Variants in TET2 observed in about 807,000 individuals in gnomAD.
TET2 encodes tet methylcytosine dioxygenase 2.
Under a neutral mutation model 142.9 loss-of-function variants are expected in TET2, and 299 were observed. The observed-to-expected ratio is 2.09, with a 90% CI of 1.90 to 2.30. The LOEUF is 2.30. Ranked by LOEUF, TET2 falls within the 30% of genes most tolerant of loss-of-function variation. TET2 has a pLI of 0.00. For synonymous variants in TET2, 819 were observed against 849.0 expected (o/e 0.96, Z 0.61); for missense variants, 2,418 against 2,378.0 (o/e 1.02, Z -0.35).
intron 8 of TET2, among the ~76,000 whole-genome samples, 192 bp from the exon 9 acceptor site, chr4:105,269,418 A>G (rs143126983): frequency 6.5e-4 from 99 of 152,340 alleles, no homozygotes; most frequent in African/African-American, 2.2e-3. Context: ...TATGGCCTCA[A>G]TAACACTATA....
intron 6 of TET2, among the ~76,000 whole-genome samples, chr4:105,254,069 T>G (rs1169691322): frequency 6.6e-6 from 1 of 152,194 alleles, no homozygotes; most frequent in African/African-American, 2.4e-5. Flanking sequence ...TCATGGTTGC[T>G]ATTAGTCTGT....
At chr4:105,208,090 C>T (rs2110534052) in intron 2 of TET2, among the ~76,000 whole-genome samples, 1 of 152,264 alleles carries the variant, frequency 6.6e-6, no homozygotes, top group Non-Finnish European at 1.5e-5. Flanking sequence ...TAAATTGCTA[C>T]TTGAGTTCAT....
At chr4:105,229,064 A>T (rs1728341936) in intron 2 of TET2, among the ~76,000 whole-genome samples, 1 of 152,240 alleles carries the variant, frequency 6.6e-6, no homozygotes, top group African/African-American at 2.4e-5. Context: ...CATTTAAAAT[A>T]GTTCAACATG....
At chr4:105,223,624 A>G (rs1727991844) in intron 2 of TET2, among the ~76,000 whole-genome samples, 1 of 152,316 alleles carries the variant, frequency 6.6e-6, no homozygotes, top group South Asian at 2.1e-4. Flanking sequence ...AGCATTGCAC[A>G]CATCTTGAAA....
chr4:105,147,095 G>A (rs1024394875), intron 1 of TET2, 116 bp downstream of exon 1: 1 of 152,190 alleles, frequency 6.6e-6, no homozygotes, highest in African/African-American at 2.4e-5. Context: ...ATACCAAGAG[G>A]GAAGAGGGAA....
At chr4:105,158,001 T>TA (rs1453086369) in intron 1 of TET2, among the ~76,000 whole-genome samples, 1 of 152,242 alleles carries the variant, frequency 6.6e-6, no homozygotes, top group Non-Finnish European at 1.5e-5. Context: ...ACAACTTACT[T>TA]ACTTTGAAAC....
At chr4:105,162,862 A>G (rs1241734368) in intron 1 of TET2, among the ~76,000 whole-genome samples, 1 of 152,232 alleles carries the variant, frequency 6.6e-6, no homozygotes, top group Non-Finnish European at 1.5e-5. Context: ...TATATCTGCA[A>G]TAATACGGGG....
At chr4:105,237,544 C>T in intron 3 of TET2, 193 bp downstream of exon 3, 2 of 1,546,600 alleles carry the variant, frequency 1.3e-6, no homozygotes, top group East Asian at 2.3e-5. Context: ...ACTTCACTTA[C>T]ATGCAGTTTT....
chr4:105,242,335 T>TTAGTCTATTTCTA, intron 4 of TET2: 8 of 1,077,924 alleles, frequency 7.4e-6, no homozygotes, highest in Non-Finnish European at 9.1e-6. Context: ...TAAGGGAAGA[T>TTAGTCTATTTCTA]ATAGTCTATT....
chr4:105,222,462 C>T (rs924617669), intron 2 of TET2, among the ~76,000 whole-genome samples: 3 of 152,180 alleles, frequency 2.0e-5, no homozygotes, highest in Non-Finnish European at 4.4e-5. Flanking sequence ...TCTCTGATGG[C>T]CAGTGATGGT....
chr4:105,162,502 C>G (rs1305049394), intron 1 of TET2, among the ~76,000 whole-genome samples: 1 of 152,184 alleles, frequency 6.6e-6, no homozygotes, highest in Non-Finnish European at 1.5e-5. Flanking sequence ...CTGAAAGGAG[C>G]TTTTCACTTT....
chr4:105,276,525 C>A lies in TET2; in HGVS notation c.*6C>A. ...CTTACAACAGATATATATGATATCA[C>A]CCCCTTTTGTTGGTTACCTCACTTG... On this transcript the variant is annotated 3_prime_UTR_variant, in exon 11 of 11. Coordinates refer to ENST00000380013, the MANE Select transcript of TET2 (RefSeq NM_001127208.3). 1 of 1,544,568 alleles carries A rather than the reference C, an allele frequency of 6.5e-7. No homozygotes were observed. The highest frequency in any genetic ancestry group is 1.2e-5 in the South Asian group (1 of 83,468).
chr4:105,163,808 AG>A (rs1723981196), intron 1 of TET2, among the ~76,000 whole-genome samples: 2 of 8,994 alleles, frequency 2.2e-4, no homozygotes, highest in Non-Finnish European at 4.1e-4. Flanking sequence ...GAAAGTTTCG[AG>A]AGAGAGAGAG....
upstream of TET2, chr4:105,146,163 G>C (rs1021122953): frequency 6.6e-6 from 1 of 152,666 alleles, no homozygotes; most frequent in Non-Finnish European, 1.5e-5. Flanking sequence ...GCGAGGGCAC[G>C]TGCGGGTACA....
At chr4:105,227,295 A>C (rs1728246540) in intron 2 of TET2, among the ~76,000 whole-genome samples, 1 of 152,204 alleles carries the variant, frequency 6.6e-6, no homozygotes, top group African/African-American at 2.4e-5. Flanking sequence ...CTTGTATATA[A>C]ACTTCGTAAC....
rs566555353 is a variant in TET2 at position 105,247,371 on chromosome 4, T to C, written c.3803+3593T>C. Among the ~76,000 whole-genome samples, 3 of 149,710 alleles carry C rather than the reference T, an allele frequency of 2.0e-5. No homozygotes were observed. The South Asian group carries it at 6.5e-4, about 32-fold the overall frequency. On this transcript the variant is annotated intron_variant, in intron 6 of 10. Coordinates refer to ENST00000380013, the MANE Select transcript of TET2 (RefSeq NM_001127208.3). ...ACACACACATAAACAAAAATGATAA[T>C]GAGAAAAAGAAAGCCCTTCCACATG...
chr4:105,225,948 C>A (rs1446890298), intron 2 of TET2, among the ~76,000 whole-genome samples: 1 of 152,098 alleles, frequency 6.6e-6, no homozygotes, highest in African/African-American at 2.4e-5. Flanking sequence ...AATTCCATGT[C>A]CTAAAAGTTT....
intron 6 of TET2, among the ~76,000 whole-genome samples, chr4:105,249,983 G>A (rs1729783568): frequency 6.6e-6 from 1 of 152,122 alleles, no homozygotes; most frequent in Admixed American, 6.5e-5. Context: ...CCTCATTCAA[G>A]ATCTGAAAGA....
intron 8 of TET2, among the ~76,000 whole-genome samples, chr4:105,267,071 A>T (rs1202504906): frequency 6.6e-6 from 1 of 151,892 alleles, no homozygotes; most frequent in Non-Finnish European, 1.5e-5. Context: ...AAGAGAGAAG[A>T]TGTAAGAGAA....
Sources: allele counts gnomAD v4.1 joint callset (sites outside exome capture counted in the v4.1 genomes callset), GRCh38; gene constraint gnomAD v4.1.1; transcripts MANE v1.5; gene names NCBI Gene and HGNC (gene_info 2026-07-23, HGNC 2026-07-21).